NEURL1: variants seen among roughly 807,000 people sequenced by gnomAD.
The protein encoded by NEURL1 is neuralized E3 ubiquitin protein ligase 1, also known as E3 ubiquitin-protein ligase NEURL1.
In NEURL1, 26 loss-of-function variants were observed where a neutral mutation model predicts 41.2. The observed-to-expected ratio is 0.63, with a 90% CI of 0.46 to 0.87. The LOEUF (loss-of-function observed/expected upper bound fraction) is 0.87. Ranked by LOEUF, NEURL1 falls within the 40% of genes least tolerant of loss-of-function variation. NEURL1 has a pLI of 0.00. For synonymous variants in NEURL1, 400 were observed against 402.3 expected (o/e 0.99, Z 0.07); for missense variants, 761 against 871.1 (o/e 0.87, Z 1.59).
At chr10:103,522,203 C>T (rs375177209) in intron 1 of NEURL1, among the ~76,000 whole-genome samples, 44 of 152,104 alleles carry the variant, frequency 2.9e-4, no homozygotes, top group South Asian at 1.2e-3. Flanking sequence ...TCAGGCCATC[C>T]GGATGTTTAC....
rs566780186 is a variant in NEURL1 at position 103,578,683 on chromosome 10, AT to A, written c.650-5849del. ...ATCTTAAAGTCTGTGACTGTGAGTG[AT>A]TTTAGGATGTTCTGCCCTTCCCTCT... On this transcript the variant is annotated intron_variant, in intron 3 of 5. Coordinates refer to ENST00000369780, the MANE Select transcript of NEURL1 (RefSeq NM_004210.5). Among the ~76,000 whole-genome samples the A allele has an allele frequency of 2.0e-5, 3 of 152,328 alleles. No homozygotes were observed. In the South Asian group the frequency reaches 6.2e-4, roughly 32 times the overall value.
chr10:103,547,896 G>A (rs531039437), intron 1 of NEURL1, among the ~76,000 whole-genome samples: 1 of 151,968 alleles, frequency 6.6e-6, no homozygotes, highest in Non-Finnish European at 1.5e-5. Flanking sequence ...AGCACATCCC[G>A]CGCTCATCCT....
intron 1 of NEURL1, among the ~76,000 whole-genome samples, chr10:103,551,183 C>T (rs2035025164): frequency 6.6e-6 from 1 of 151,932 alleles, no homozygotes; most frequent in Admixed American, 6.6e-5. Context: ...GTCCTGCTCA[C>T]CAGTTGGTGT....
chr10:103,505,220 A>AT (rs34595199), intron 1 of NEURL1, among the ~76,000 whole-genome samples: 4,741 of 128,640 alleles, frequency 0.037, 105 homozygotes, highest in African/African-American at 0.04. Flanking sequence ...AGCCCAGCTA[A>AT]TTTTTTTTTT....
chr10:103,574,981 C>G (rs1455383541), intron 3 of NEURL1, among the ~76,000 whole-genome samples: 1 of 121,010 alleles, frequency 8.3e-6, no homozygotes. Flanking sequence ...TTCATTTATT[C>G]TTCCTGAATT....
Position 103,590,503 on chromosome 10 carries a change from A to G in NEURL1, c.*131A>G, listed in dbSNP as rs2036018739. ...TTTCCTCCTCTATTAAACATGGGAAACTGAAGCCCTTGAAGGTTTGGGGAG... is the reference window on the plus strand; with the variant it reads ...TTTCCTCCTCTATTAAACATGGGAAGCTGAAGCCCTTGAAGGTTTGGGGAG... On this transcript the variant is annotated 3_prime_UTR_variant, in exon 6 of 6. Transcript: ENST00000369780. 3 of 701,768 alleles carry G rather than the reference A, an allele frequency of 4.3e-6. No individual in the cohort carries two copies. Among genetic ancestry groups the G allele is most frequent in the Non-Finnish European group, 7.2e-6 (3 of 415,822 alleles). The allele number at this position is 701,768 out of a possible 1,614,324, so 43.5% of individuals were successfully genotyped here.
At chr10:103,569,027 C>T (rs946015001) in intron 1 of NEURL1, among the ~76,000 whole-genome samples, 3 of 152,206 alleles carry the variant, frequency 2.0e-5, no homozygotes, top group African/African-American at 7.2e-5. Context: ...ATTGCCCAGG[C>T]TGGTCTCGAA....
At chr10:103,499,564 A>C (rs2033772560) in intron 1 of NEURL1, among the ~76,000 whole-genome samples, 1 of 151,856 alleles carries the variant, frequency 6.6e-6, no homozygotes. Flanking sequence ...TCCTGGGCTC[A>C]AGTGATCCTC....
At chr10:103,563,208 G>A (rs981988919) in intron 1 of NEURL1, among the ~76,000 whole-genome samples, 1 of 152,184 alleles carries the variant, frequency 6.6e-6, no homozygotes, top group African/African-American at 2.4e-5. Flanking sequence ...TTTTAAAAAA[G>A]ACCTTATGTT....
chr10:103,562,771 G>A (rs1342360072), intron 1 of NEURL1, among the ~76,000 whole-genome samples: 2 of 152,162 alleles, frequency 1.3e-5, no homozygotes, highest in Non-Finnish European at 2.9e-5. Flanking sequence ...AAAAATCTAC[G>A]TCCGAAGGAT....
chr10:103,584,927 C>A lies in NEURL1; in HGVS notation c.1041C>A (p.Gly347=). ...TIFVKVTRSG[G]ARPGALSFGV... is the part of the protein sequence containing the mutation. ...TCGTCAAGGTCACGCGCTCGGGTGG[C>A]GCGCGGCCCGGCGCGCTGTCGTTCG... The change falls in exon 4 of 6, where the codon GGC becomes GGA. Residue 347 remains glycine, a synonymous_variant. Transcript: ENST00000369780. 1 of 1,478,082 alleles carries A rather than the reference C, an allele frequency of 6.8e-7. No homozygotes were observed. The highest frequency in any genetic ancestry group is 8.9e-7 in the Non-Finnish European group (1 of 1,122,552). The allele number at this position is 1,478,082 out of a possible 1,614,324, so 91.6% of individuals were successfully genotyped here. A position where few individuals can be genotyped will look rare whatever the true frequency, so the allele number is the denominator to read the frequency against.
chr10:103,559,568 G>A (rs1026774859), intron 1 of NEURL1, among the ~76,000 whole-genome samples: 1 of 152,180 alleles, frequency 6.6e-6, no homozygotes, highest in African/African-American at 2.4e-5. Flanking sequence ...CGGAGCAGGT[G>A]TTCTCGGTGA....
intron 1 of NEURL1, among the ~76,000 whole-genome samples, chr10:103,500,994 T>C (rs1377582911): frequency 6.6e-6 from 1 of 151,116 alleles, no homozygotes; most frequent in Non-Finnish European, 1.5e-5. Flanking sequence ...TGGGGGAGAT[T>C]TGGAGGGGAG....
intron 1 of NEURL1, among the ~76,000 whole-genome samples, chr10:103,569,782 C>T (rs1452812844): frequency 6.6e-6 from 1 of 152,204 alleles, no homozygotes; most frequent in Non-Finnish European, 1.5e-5. Flanking sequence ...CCACCCTCTC[C>T]TAGTGAGCCT....
At chr10:103,563,967 A>G (rs2035363117) in intron 1 of NEURL1, among the ~76,000 whole-genome samples, 1 of 152,216 alleles carries the variant, frequency 6.6e-6, no homozygotes, top group Admixed American at 6.5e-5. Context: ...CACTGTCATC[A>G]GTATCAGTGC....
chr10:103,535,295 TG>T (rs1485393820), intron 1 of NEURL1, among the ~76,000 whole-genome samples: 1 of 152,120 alleles, frequency 6.6e-6, no homozygotes, highest in Admixed American at 6.5e-5. Flanking sequence ...AGCCCAGCTC[TG>T]GGGCAACAGA....
Position 103,577,475 on chromosome 10 carries a change from A to G in NEURL1, c.649+5653A>G, listed in dbSNP as rs1010347243. The stretch of plus-strand genomic sequence containing the variant: ...TTGTAGATAAGGAACAGAGGCTGAG[A>G]GAGGTCTGATAACCTGCCCAAGGTC... On this transcript the variant is annotated intron_variant, in intron 3 of 5. Transcript: ENST00000369780. 5 of 152,804 alleles carry G rather than the reference A, an allele frequency of 3.3e-5. 1 individual carries two copies. Among genetic ancestry groups the G allele is most frequent in the Admixed American group, 2.0e-4 (3 of 15,310 alleles). 9.5% of individuals were successfully genotyped at this position (152,804 alleles called of 1,614,324 possible). A position where few individuals can be genotyped will look rare whatever the true frequency, so the allele number is the denominator to read the frequency against.
At chr10:103,551,365 C>T (rs1452951745) in intron 1 of NEURL1, among the ~76,000 whole-genome samples, 2 of 143,660 alleles carry the variant, frequency 1.4e-5, no homozygotes, top group African/African-American at 5.5e-5. Context: ...TGCAGTGGCA[C>T]AATCTTGGCT....
chr10:103,507,041 T>C (rs558659541), intron 1 of NEURL1, among the ~76,000 whole-genome samples: 1 of 152,280 alleles, frequency 6.6e-6, no homozygotes, highest in African/African-American at 2.4e-5. Flanking sequence ...CCCAAGTGTA[T>C]CATGGAGATT....
Sources: gnomAD v4.1 joint callset for allele counts (sites outside exome capture counted in the v4.1 genomes callset) on GRCh38, gnomAD v4.1.1 for gene constraint, MANE v1.5 for transcripts, NCBI Gene and HGNC (gene_info 2026-07-23, HGNC 2026-07-21) for gene names.